REC114: variants seen among roughly 807,000 people sequenced by gnomAD.
REC114 encodes the protein REC114 meiotic recombination protein, also known as meiotic recombination protein REC114.
Under a neutral mutation model 31.3 loss-of-function variants are expected in REC114, and 27 were observed. The observed-to-expected ratio is 0.86, with a 90% CI of 0.64 to 1.19. REC114 has a LOEUF of 1.19. Ranked by LOEUF, REC114 falls within the 50% of genes most tolerant of loss-of-function variation. The pLI, the probability that REC114 is intolerant of heterozygous loss-of-function variation, is 0.00. For synonymous variants in REC114, 134 were observed against 127.7 expected (o/e 1.05, Z -0.33); for missense variants, 344 against 326.9 (o/e 1.05, Z -0.40).
At chr15:73,505,571 G>A (rs1438798516) in intron 2 of REC114, among the ~76,000 whole-genome samples, 2 of 150,990 alleles carry the variant, frequency 1.3e-5, no homozygotes, top group Admixed American at 6.6e-5. Flanking sequence ...TTGCTCTGTC[G>A]CCCAGGCTGG....
At chr15:73,463,680 G>T (rs567672663) in intron 1 of REC114, among the ~76,000 whole-genome samples, 1 of 152,152 alleles carries the variant, frequency 6.6e-6, no homozygotes, top group Non-Finnish European at 1.5e-5. Flanking sequence ...ACTTAGCTGG[G>T]TATGGTGGCG....
At chr15:73,478,963 G>C (rs770884586) in intron 2 of REC114, among the ~76,000 whole-genome samples, 103 of 151,810 alleles carry the variant, frequency 6.8e-4, no homozygotes, top group Non-Finnish European at 1.8e-4. Context: ...AATTCTTTAG[G>C]GTTTTCTACA....
intron 5 of REC114, among the ~76,000 whole-genome samples, chr15:73,559,381 T>C (rs1894534220): frequency 6.6e-6 from 1 of 152,228 alleles, no homozygotes; most frequent in Non-Finnish European, 1.5e-5. Context: ...GTGGCGAAGA[T>C]GAACTGAGCT....
At chr15:73,480,057 T>A (rs1893271578) in intron 2 of REC114, among the ~76,000 whole-genome samples, 1 of 152,166 alleles carries the variant, frequency 6.6e-6, no homozygotes. Flanking sequence ...CCACCAACAT[T>A]GTACAAGGAT....
chr15:73,548,928 C>A lies in REC114; in HGVS notation c.334-2010C>A, dbSNP rs144097551. ...TATCCCTAGCAAACTAACACAGGAA[C>A]AGAAAACCAAATACCACAAGTTCTC... On this transcript the variant is annotated intron_variant, in intron 3 of 5. Coordinates refer to ENST00000331090, the MANE Select transcript of REC114 (RefSeq NM_001042367.2). Among the ~76,000 whole-genome samples, 199 of 152,192 alleles carry A rather than the reference C, an allele frequency of 1.3e-3. 2 individuals carry two copies. Among genetic ancestry groups the A allele is most frequent in the African/African-American group, 4.5e-3 (185 of 41,522 alleles).
chr15:73,521,142 A>G (rs1893930874), intron 2 of REC114, among the ~76,000 whole-genome samples: 1 of 152,232 alleles, frequency 6.6e-6, no homozygotes, highest in South Asian at 2.1e-4. Context: ...CATTAAAAAT[A>G]CTTAAGAAAC....
intron 1 of REC114, among the ~76,000 whole-genome samples, chr15:73,459,270 C>T (rs1278856292): frequency 1.3e-5 from 2 of 150,832 alleles, no homozygotes; most frequent in African/African-American, 4.9e-5. Flanking sequence ...CACTCTGGCA[C>T]TCAGACTGGA....
chr15:73,464,318 T>C (rs1893027222), intron 1 of REC114, among the ~76,000 whole-genome samples: 1 of 151,908 alleles, frequency 6.6e-6, no homozygotes, highest in South Asian at 2.1e-4. Flanking sequence ...TAATTATATT[T>C]ATCATTATTT....
intron 2 of REC114, among the ~76,000 whole-genome samples, chr15:73,508,208 G>A (rs1326380326): frequency 6.6e-6 from 1 of 152,066 alleles, no homozygotes; most frequent in East Asian, 1.9e-4. Context: ...AATGAATAGA[G>A]TAAATAGATA....
At chr15:73,536,691 G>A (rs1192588454) in intron 2 of REC114, among the ~76,000 whole-genome samples, 1 of 152,056 alleles carries the variant, frequency 6.6e-6, no homozygotes. Flanking sequence ...TAGACACACA[G>A]GCTTCTTTAC....
chr15:73,452,526 G>A (rs1163771196), intron 1 of REC114, among the ~76,000 whole-genome samples: 1 of 152,192 alleles, frequency 6.6e-6, no homozygotes, highest in Non-Finnish European at 1.5e-5. Context: ...TCATGGATAG[G>A]CAGAATCAAT....
intron 2 of REC114, among the ~76,000 whole-genome samples, chr15:73,482,134 T>C (rs142815573): frequency 3.9e-5 from 6 of 152,266 alleles, no homozygotes; most frequent in African/African-American, 1.4e-4. Flanking sequence ...CCATTCTACT[T>C]TCAGTTTCTA....
In REC114 at chr15:73,532,128, T is replaced by TC. The variant is rs1894094230; in HGVS notation, c.250-8351dup. Among the ~76,000 whole-genome samples, 10 of 149,928 alleles carry TC rather than the reference T, an allele frequency of 6.7e-5. No individual in the cohort carries two copies. The South Asian group carries it at 2.1e-3, about 32-fold the overall frequency. ...TAGGTATATCTCCCGATGCTATCCC[T>TC]CCCCCCTCGCCCCACCCCACAACAG... On this transcript the variant is annotated intron_variant, in intron 2 of 5. Coordinates refer to ENST00000331090, the MANE Select transcript of REC114 (RefSeq NM_001042367.2).
intron 2 of REC114, among the ~76,000 whole-genome samples, chr15:73,493,909 T>A (rs1488434292): frequency 6.6e-6 from 1 of 152,248 alleles, no homozygotes; most frequent in African/African-American, 2.4e-5. Flanking sequence ...TTATTTCAGA[T>A]GATCTTGATT....
intron 2 of REC114, among the ~76,000 whole-genome samples, chr15:73,525,472 A>G (rs1164019516): frequency 1.3e-5 from 2 of 151,982 alleles, no homozygotes; most frequent in Non-Finnish European, 2.9e-5. Flanking sequence ...AGTATTTAAA[A>G]TCATAAGCTT....
intron 1 of REC114, among the ~76,000 whole-genome samples, 195 bp downstream of exon 1, chr15:73,443,539 C>A (rs1892726646): frequency 6.6e-6 from 1 of 152,108 alleles, no homozygotes; most frequent in African/African-American, 2.4e-5. Context: ...TGGTTGGAAC[C>A]CTTTACAGTC....
intron 2 of REC114, among the ~76,000 whole-genome samples, chr15:73,482,178 G>A (rs567300248): frequency 6.6e-5 from 10 of 152,058 alleles, no homozygotes; most frequent in Non-Finnish European, 1.3e-4. Flanking sequence ...TCATATAATG[G>A]TGATATAGTT....
At chr15:73,480,322 T>C (rs1567862469) in intron 2 of REC114, among the ~76,000 whole-genome samples, 1 of 151,580 alleles carries the variant, frequency 6.6e-6, no homozygotes, top group Non-Finnish European at 1.5e-5. Context: ...CCAGGCTTAA[T>C]AATAAATAAA....
chr15:73,515,744 A>G (rs1893850360), intron 2 of REC114, among the ~76,000 whole-genome samples: 1 of 152,168 alleles, frequency 6.6e-6, no homozygotes, highest in Admixed American at 6.5e-5. Context: ...CCGTCACCAG[A>G]CACTGAACCT....
Sources: allele counts gnomAD v4.1 joint callset (sites outside exome capture counted in the v4.1 genomes callset), GRCh38; gene constraint gnomAD v4.1.1; transcripts MANE v1.5; gene names NCBI Gene and HGNC (gene_info 2026-07-23, HGNC 2026-07-21).